Variants in RALGAPB observed in about 807,000 individuals in gnomAD.
RALGAPB encodes the protein ral GTPase-activating protein subunit beta.
In RALGAPB, 25 loss-of-function variants were observed where a neutral mutation model predicts 161.1. That is an observed-to-expected ratio of 0.16 (90% CI 0.11 to 0.22). RALGAPB has a LOEUF of 0.22. Among genes scored for constraint, RALGAPB ranks in the 10% least tolerant of loss-of-function variants. The pLI, the probability that RALGAPB is intolerant of heterozygous loss-of-function variation, is 1.00. For missense variants in RALGAPB, 1,391 were observed against 1,815.2 expected, an observed-to-expected ratio of 0.77 and a Z score of 4.25; for synonymous variants, 629 against 626.1, an observed-to-expected ratio of 1.00 and a Z score of -0.07.
intron 2 of RALGAPB, among the ~76,000 whole-genome samples, chr20:38,492,356 C>T (rs1044376058): frequency 2.6e-5 from 4 of 152,156 alleles, no homozygotes; most frequent in African/African-American, 9.6e-5. Context: ...CAGCTAAATG[C>T]CTTGTTAAGA....
At chr20:38,503,347 T>G (rs1295677665) in intron 5 of RALGAPB, among the ~76,000 whole-genome samples, 1 of 152,188 alleles carries the variant, frequency 6.6e-6, no homozygotes, top group Non-Finnish European at 1.5e-5. Context: ...CAACTGTACA[T>G]TCTGTAAGGT....
chr20:38,522,112 T>C (rs2086307583), intron 10 of RALGAPB, among the ~76,000 whole-genome samples: 1 of 152,200 alleles, frequency 6.6e-6, no homozygotes. Context: ...GGAATTAGGA[T>C]ATTGATGGGA....
chr20:38,553,525 ATTTGTT>A (rs1264594247), intron 21 of RALGAPB, among the ~76,000 whole-genome samples: 1 of 151,974 alleles, frequency 6.6e-6, no homozygotes, highest in Non-Finnish European at 1.5e-5. Flanking sequence ...TTTTTTTGGC[ATTTGTT>A]TTAACCTTGG....
At chr20:38,546,519 C>A (rs181816377) in intron 19 of RALGAPB, 89 bp downstream of exon 19, 2 of 1,546,444 alleles carry the variant, frequency 1.3e-6, no homozygotes, top group Admixed American at 1.7e-5. Context: ...GAAGGACAGC[C>A]TACAGATTCT....
intron 24 of RALGAPB, 29 bp from the exon 25 acceptor site, chr20:38,565,330 G>T (rs374180629): frequency 1.2e-6 from 2 of 1,606,980 alleles, no homozygotes; most frequent in East Asian, 2.2e-5. Flanking sequence ...TTTTTGAAGC[G>T]GTAATGTAGT....
At chr20:38,563,427 T>C (rs1218797566) in intron 24 of RALGAPB, among the ~76,000 whole-genome samples, 2 of 152,228 alleles carry the variant, frequency 1.3e-5, no homozygotes, top group Non-Finnish European at 2.9e-5. Flanking sequence ...CTTGGGATAT[T>C]ATACCAAAAC....
chr20:38,503,399 T>C (rs1568919225), intron 5 of RALGAPB, among the ~76,000 whole-genome samples: 1 of 152,206 alleles, frequency 6.6e-6, no homozygotes, highest in Non-Finnish European at 1.5e-5. Context: ...TGGAAGAAGT[T>C]GATTCCAACC....
intron 16 of RALGAPB, among the ~76,000 whole-genome samples, chr20:38,539,205 A>G (rs961536974): frequency 3.3e-5 from 5 of 152,212 alleles, no homozygotes; most frequent in South Asian, 2.1e-4. Flanking sequence ...AAGCTAATCT[A>G]TCGTGACAGC....
intron 13 of RALGAPB, among the ~76,000 whole-genome samples, chr20:38,530,084 A>G (rs1359414832): frequency 1.3e-5 from 2 of 152,190 alleles, no homozygotes; most frequent in Non-Finnish European, 2.9e-5. Context: ...GCGTTAGTCA[A>G]GGTTCATGGT....
chr20:38,507,510 G>A (rs1009575865), intron 5 of RALGAPB, among the ~76,000 whole-genome samples: 25 of 151,924 alleles, frequency 1.6e-4, no homozygotes, highest in Non-Finnish European at 3.4e-4. Flanking sequence ...TGGCAGCTGG[G>A]AGCTACAGGT....
intron 22 of RALGAPB, among the ~76,000 whole-genome samples, chr20:38,554,564 C>T (rs991986996): frequency 4.6e-5 from 7 of 152,192 alleles, no homozygotes; most frequent in African/African-American, 1.7e-4. Flanking sequence ...GCTTTATGTC[C>T]TGGAATCACT....
chr20:38,576,124 A>G lies in RALGAPB; in HGVS notation c.*1157A>G, dbSNP rs2088427142. ...TATTACCTCGCTGCTACTTTTCTGC[A>G]GGGATAAAACTTTTGAGGTGGCCAG... On this transcript the variant is annotated 3_prime_UTR_variant, in exon 30 of 30. Coordinates refer to ENST00000262879, the MANE Select transcript of RALGAPB (RefSeq NM_020336.4). 1 of 152,562 alleles carries G rather than the reference A, an allele frequency of 6.6e-6. No homozygotes were observed. The highest frequency in any genetic ancestry group is 2.1e-4 in the South Asian group (1 of 4,834). 9.5% of individuals were successfully genotyped at this position (152,562 alleles called of 1,614,324 possible).
At chr20:38,500,524 G>A (rs531452964) in intron 5 of RALGAPB, among the ~76,000 whole-genome samples, 9 of 152,192 alleles carry the variant, frequency 5.9e-5, no homozygotes, top group Admixed American at 2.0e-4. Flanking sequence ...GCTGTTTTCC[G>A]TCTCTTTCCC....
At position 38,569,950 on chromosome 20, in the gene RALGAPB, T is replaced by C; in HGVS notation, c.4017T>C (p.Pro1339=). 6.2e-7 allele frequency: 1 copy of C among 1,613,654 alleles called. No homozygotes were observed. The highest frequency in any genetic ancestry group is 1.1e-5 in the South Asian group (1 of 91,036). ...GTCGCCCTGTTCCTCCCCTTGGACC[T>C]GAGACAAGAGTTTCTGTAGTCTGGG... is the stretch of plus-strand genomic sequence containing the variant. ...PQGRPVPPLG[P]ETRVSVVWVE... is the part of the protein sequence containing the mutation. Residue 1339 remains proline (P), a synonymous_variant, in exon 27 of 30, where the codon CCT becomes CCC. Transcript: ENST00000262879.
At chr20:38,526,846 A>C (rs1332428239) in intron 13 of RALGAPB, among the ~76,000 whole-genome samples, 1 of 152,176 alleles carries the variant, frequency 6.6e-6, no homozygotes, top group African/African-American at 2.4e-5. Context: ...TTCTTCCTCT[A>C]ATCTGATGTT....
At chr20:38,533,292 T>C (rs2086710837) in intron 15 of RALGAPB, among the ~76,000 whole-genome samples, 1 of 152,198 alleles carries the variant, frequency 6.6e-6, no homozygotes, top group Non-Finnish European at 1.5e-5. Context: ...TGTTAAAACC[T>C]GTGTACCCCC....
At chr20:38,518,764 G>T (rs1055502909) in intron 9 of RALGAPB, among the ~76,000 whole-genome samples, 1 of 152,132 alleles carries the variant, frequency 6.6e-6, no homozygotes, top group Non-Finnish European at 1.5e-5. Flanking sequence ...GTTACTATTG[G>T]CCAGGTACTG....
intron 20 of RALGAPB, 106 bp from the exon 21 acceptor site, chr20:38,550,965 T>C (rs747159440): frequency 7.5e-6 from 10 of 1,340,026 alleles, no homozygotes; most frequent in African/African-American, 1.5e-5. Context: ...TTTTGTGACA[T>C]GTAATCCTAG....
intron 12 of RALGAPB, among the ~76,000 whole-genome samples, 168 bp downstream of exon 12, chr20:38,525,686 T>G (rs938651157): frequency 6.6e-6 from 1 of 152,204 alleles, no homozygotes; most frequent in African/African-American, 2.4e-5. Context: ...ATTTTTTTTT[T>G]TTGTTCTGTC....
Sources: gnomAD v4.1 joint callset for allele counts (sites outside exome capture counted in the v4.1 genomes callset) on GRCh38, gnomAD v4.1.1 for gene constraint, MANE v1.5 for transcripts, NCBI Gene and HGNC (gene_info 2026-07-23, HGNC 2026-07-21) for gene names.